SEMA6D: variants seen among roughly 807,000 people sequenced by gnomAD.
SEMA6D encodes semaphorin-6D.
In SEMA6D, 35 loss-of-function variants were observed where a neutral mutation model predicts 106.6. The observed-to-expected ratio is 0.33, with a 90% CI of 0.25 to 0.44. The LOEUF is 0.44. Ranked by LOEUF, SEMA6D falls within the 20% of genes least tolerant of loss-of-function variation. The pLI is 1.00. For missense variants in SEMA6D, 1,185 were observed against 1,345.9 expected, an observed-to-expected ratio of 0.88 and a Z score of 1.87; for synonymous variants, 499 against 487.7, an observed-to-expected ratio of 1.02 and a Z score of -0.31.
At chr15:47,276,397 A>C (rs1233098153) in intron 1 of SEMA6D, among the ~76,000 whole-genome samples, 1 of 152,136 alleles carries the variant, frequency 6.6e-6, no homozygotes, top group South Asian at 2.1e-4. Context: ...GCTTTGAAGG[A>C]CAGCCCAACT....
At chr15:47,747,003 T>TATATATA (rs1555422789) in intron 1 of SEMA6D, among the ~76,000 whole-genome samples, 4 of 149,226 alleles carry the variant, frequency 2.7e-5, no homozygotes, top group Admixed American at 6.7e-5. Flanking sequence ...TATATATATA[T>TATATATA]TTCGATTGTA....
chr15:47,625,630 G>A (rs1566943473), intron 4 of SEMA6D, among the ~76,000 whole-genome samples: 1 of 151,876 alleles, frequency 6.6e-6, no homozygotes, highest in Non-Finnish European at 1.5e-5. Flanking sequence ...AGCTACTTGG[G>A]AGGCTGAGGT....
chr15:47,541,909 CAG>C, intron 3 of SEMA6D, among the ~76,000 whole-genome samples: 1 of 152,278 alleles, frequency 6.6e-6, no homozygotes, highest in Admixed American at 6.5e-5. Flanking sequence ...GTTTCCCAAA[CAG>C]AGTCGGAATG....
At chr15:47,370,485 A>G (rs1323184240) in intron 1 of SEMA6D, among the ~76,000 whole-genome samples, 3 of 152,088 alleles carry the variant, frequency 2.0e-5, no homozygotes, top group Non-Finnish European at 4.4e-5. Context: ...ACTGCACTGC[A>G]GCCTGGGTGA....
At chr15:47,730,251 C>T (rs910153690) in intron 1 of SEMA6D, 22 of 1,539,750 alleles carry the variant, frequency 1.4e-5, no homozygotes, top group African/African-American at 8.1e-5. Context: ...CGGATCTCAT[C>T]GTATCTGTCG....
intron 1 of SEMA6D, among the ~76,000 whole-genome samples, chr15:47,226,010 T>C (rs931608756): frequency 6.6e-6 from 1 of 152,094 alleles, no homozygotes; most frequent in African/African-American, 2.4e-5. Flanking sequence ...CTTGTGACTG[T>C]GATCTTGTTT....
rs148834294 is a variant in SEMA6D, at chr15:47,264,326, C to T, written c.-239+79908C>T. On this transcript the variant is annotated intron_variant, in intron 1 of 19. Transcript: ENST00000558014. ...TTATGTAATAAACCTGGTCATTTACCCCTGAATTTAAAAGGTTTTTTTTTT... is the reference window on the plus strand; with the variant it reads ...TTATGTAATAAACCTGGTCATTTACTCCTGAATTTAAAAGGTTTTTTTTTT... Among the ~76,000 whole-genome samples the T allele has an allele frequency of 2.2e-4, 28 of 125,428 alleles. No homozygotes were observed. The East Asian group carries it at 5.2e-3, about 23-fold the overall frequency. The allele number at this position is 125,428 out of a possible 152,430, so 82.3% of individuals were successfully genotyped here. A position where few individuals can be genotyped will look rare whatever the true frequency, so the allele number is the denominator to read the frequency against.
chr15:47,195,818 C>T (rs774878475), intron 1 of SEMA6D, among the ~76,000 whole-genome samples: 13 of 152,102 alleles, frequency 8.5e-5, no homozygotes, highest in Non-Finnish European at 7.4e-5. Flanking sequence ...GACACGATGT[C>T]TTGTTGAAAG....
At chr15:47,304,273 A>C (rs1287490627) in intron 1 of SEMA6D, among the ~76,000 whole-genome samples, 1 of 151,682 alleles carries the variant, frequency 6.6e-6, no homozygotes, top group East Asian at 2.0e-4. Context: ...GTGAAACCCT[A>C]TCTCTACTGA....
At chr15:47,473,951 C>A (rs185921962) in intron 3 of SEMA6D, among the ~76,000 whole-genome samples, 1 of 152,150 alleles carries the variant, frequency 6.6e-6, no homozygotes, top group African/African-American at 2.4e-5. Flanking sequence ...GCAAGCTCAT[C>A]GGGTTCTGGA....
chr15:47,517,438 C>A (rs1195453200), intron 3 of SEMA6D, among the ~76,000 whole-genome samples: 1 of 151,976 alleles, frequency 6.6e-6, no homozygotes, highest in Non-Finnish European at 1.5e-5. Flanking sequence ...CCTCTCTATG[C>A]GTTCATTACA....
rs1027998972 is a variant in SEMA6D at position 47,723,252 on chromosome 15, C to T, written c.-55+5560C>T. 3.3e-5 allele frequency among the ~76,000 whole-genome samples: 5 copies of T among 152,102 alleles called. No individual in the cohort carries two copies. In the South Asian group the frequency reaches 6.2e-4, roughly 19 times the overall value. ...ACTTTCATTTTTTATTTCCATTGGC[C>T]GTATAATTATTACACACCCTTCTTT... is the stretch of plus-strand genomic sequence containing the variant. On this transcript the variant is annotated intron_variant, in intron 1 of 18. Transcript: ENST00000536845.
At chr15:47,657,333 A>G (rs2077816462) in intron 4 of SEMA6D, among the ~76,000 whole-genome samples, 1 of 152,192 alleles carries the variant, frequency 6.6e-6, no homozygotes. Flanking sequence ...AAGAAACAAT[A>G]TGATTCTCCA....
At chr15:47,363,841 AACTT>A (rs1353543815) in intron 1 of SEMA6D, among the ~76,000 whole-genome samples, 1 of 152,142 alleles carries the variant, frequency 6.6e-6, no homozygotes, top group Non-Finnish European at 1.5e-5. Flanking sequence ...GGCCTCAGGA[AACTT>A]ACTTATAATC....
intron 3 of SEMA6D, chr15:47,527,627 T>C (rs2044807559): frequency 1.3e-5 from 2 of 152,246 alleles, no homozygotes; most frequent in Non-Finnish European, 2.9e-5. Context: ...TCATAGCCTC[T>C]TACTTTATTT....
At chr15:47,596,552 T>C (rs1456297618) in intron 3 of SEMA6D, among the ~76,000 whole-genome samples, 1 of 152,002 alleles carries the variant, frequency 6.6e-6, no homozygotes, top group Non-Finnish European at 1.5e-5. Flanking sequence ...CTATAGTACA[T>C]AGAACAACAT....
At chr15:47,581,504 T>C (rs1668935942) in intron 3 of SEMA6D, among the ~76,000 whole-genome samples, 1 of 152,174 alleles carries the variant, frequency 6.6e-6, no homozygotes, top group Admixed American at 6.5e-5. Flanking sequence ...CTCTCTGAGG[T>C]CACATTTGAA....
chr15:47,308,098 G>T (rs2036301694), intron 1 of SEMA6D, among the ~76,000 whole-genome samples: 1 of 151,584 alleles, frequency 6.6e-6, no homozygotes, highest in African/African-American at 2.4e-5. Context: ...ACATTTCAGG[G>T]TATATTTTAT....
chr15:47,193,066 T>A (rs1762609044), intron 1 of SEMA6D, among the ~76,000 whole-genome samples: 1 of 152,162 alleles, frequency 6.6e-6, no homozygotes, highest in South Asian at 2.1e-4. Context: ...CCTCTCACGC[T>A]TGCCCTTGCA....
Sources: allele counts gnomAD v4.1 joint callset (sites outside exome capture counted in the v4.1 genomes callset), GRCh38; gene constraint gnomAD v4.1.1; transcripts MANE v1.5; gene names NCBI Gene and HGNC (gene_info 2026-07-23, HGNC 2026-07-21).